The following PRKG1 variants were observed in gnomAD, a reference collection of about 807,000 sequenced individuals.
The protein encoded by PRKG1 is cGMP-dependent protein kinase 1.
Under a neutral mutation model 88.1 loss-of-function variants are expected in PRKG1, and 35 were observed. The observed-to-expected ratio is 0.40, with a 90% CI of 0.30 to 0.53. PRKG1 has a LOEUF of 0.53. Ranked by LOEUF, PRKG1 falls within the 20% of genes least tolerant of loss-of-function variation. The probability of loss-of-function intolerance (pLI) is 0.59; values close to 1 mark genes in which losing one functional copy is unlikely to be tolerated. For missense variants in PRKG1, 540 were observed against 839.8 expected (o/e 0.64, Z 4.41); for synonymous variants, 303 against 292.5 (o/e 1.04, Z -0.37).
chr10:52,079,214 T>C (rs1413813239), intron 7 of PRKG1, among the ~76,000 whole-genome samples: 1 of 152,206 alleles, frequency 6.6e-6, no homozygotes, highest in African/African-American at 2.4e-5. Context: ...ATTCATTCAT[T>C]TATCTCTTTT....
At chr10:52,291,379 G>A (rs943048328) in intron 17 of PRKG1, among the ~76,000 whole-genome samples, 4 of 150,158 alleles carry the variant, frequency 2.7e-5, no homozygotes, top group Admixed American at 2.0e-4. Context: ...AGCATTAGGT[G>A]TATCTCCTAA....
At chr10:51,622,748 G>A (rs1839241371) in intron 3 of PRKG1, among the ~76,000 whole-genome samples, 1 of 152,158 alleles carries the variant, frequency 6.6e-6, no homozygotes, top group East Asian at 1.9e-4. Context: ...AAGGGTGGAG[G>A]CAAGAACAGT....
Position 52,125,282 on chromosome 10 carries a change from G to T in PRKG1, c.936-8558G>T, listed in dbSNP as rs187494632. On this transcript the variant is annotated intron_variant, in intron 7 of 17. Coordinates refer to ENST00000373980, the MANE Select transcript of PRKG1 (RefSeq NM_006258.4). Reference sequence around the variant, plus strand: ...CTATTGTTGCATATGTGGTCTGTTTGTTGACCAAAATGTCATTGTGTGGTG... The same window carrying T: ...CTATTGTTGCATATGTGGTCTGTTTTTTGACCAAAATGTCATTGTGTGGTG... Among the ~76,000 whole-genome samples the T allele has an allele frequency of 3.3e-5, 5 of 152,200 alleles. No homozygotes were observed. The East Asian group carries it at 9.7e-4, about 29-fold the overall frequency.
At chr10:52,201,015 C>G (rs1839651640) in intron 9 of PRKG1, among the ~76,000 whole-genome samples, 1 of 152,232 alleles carries the variant, frequency 6.6e-6, no homozygotes, top group Admixed American at 6.5e-5. Context: ...TCTGTTTACT[C>G]TATTGATAGT....
At chr10:51,331,405 G>A (rs577368822) in intron 2 of PRKG1, among the ~76,000 whole-genome samples, 3 of 152,260 alleles carry the variant, frequency 2.0e-5, no homozygotes, top group African/African-American at 7.2e-5. Context: ...TAGAGGCTCA[G>A]TCTGTGAGTA....
At chr10:51,004,982 A>G (rs1340835483) in intron 1 of PRKG1, among the ~76,000 whole-genome samples, 1 of 152,172 alleles carries the variant, frequency 6.6e-6, no homozygotes, top group African/African-American at 2.4e-5. Flanking sequence ...AGATTTGGAC[A>G]TATATGGTAT....
intron 2 of PRKG1, among the ~76,000 whole-genome samples, chr10:51,271,909 T>C (rs1197309677): frequency 6.6e-6 from 1 of 152,214 alleles, no homozygotes; most frequent in Non-Finnish European, 1.5e-5. Flanking sequence ...GTAGAATGAT[T>C]TATAATTCTT....
intron 3 of PRKG1, among the ~76,000 whole-genome samples, chr10:51,672,209 T>G (rs1840600812): frequency 6.6e-6 from 1 of 152,110 alleles, no homozygotes; most frequent in African/African-American, 2.4e-5. Flanking sequence ...CTTAATGCTC[T>G]CTTCTTGGAA....
intron 7 of PRKG1, among the ~76,000 whole-genome samples, chr10:52,082,731 T>G (rs1258379892): frequency 1.3e-5 from 2 of 152,166 alleles, no homozygotes; most frequent in Non-Finnish European, 2.9e-5. Flanking sequence ...CCTGCCCATT[T>G]ATCCAAAACA....
At chr10:52,254,045 T>A (rs745916352) in intron 10 of PRKG1, among the ~76,000 whole-genome samples, 3 of 152,050 alleles carry the variant, frequency 2.0e-5, no homozygotes, top group Non-Finnish European at 4.4e-5. Flanking sequence ...ATAATATTAC[T>A]TTTGGGGTAT....
At chr10:51,056,284 G>A (rs1843625082) in intron 1 of PRKG1, among the ~76,000 whole-genome samples, 2 of 152,306 alleles carry the variant, frequency 1.3e-5, no homozygotes, top group Middle Eastern at 3.4e-3. Context: ...AGGAAGAGGA[G>A]CCCTAGCTCT....
At chr10:52,189,694 G>A (rs1839315932) in intron 9 of PRKG1, among the ~76,000 whole-genome samples, 1 of 152,066 alleles carries the variant, frequency 6.6e-6, no homozygotes, top group African/African-American at 2.4e-5. Flanking sequence ...AAAAGGTTGG[G>A]GACTGCTGCC....
At chr10:51,714,611 T>G (rs972102778) in intron 3 of PRKG1, among the ~76,000 whole-genome samples, 1 of 152,170 alleles carries the variant, frequency 6.6e-6, no homozygotes, top group Non-Finnish European at 1.5e-5. Flanking sequence ...GTCAAAATTT[T>G]TGTGTACTAC....
intron 3 of PRKG1, among the ~76,000 whole-genome samples, chr10:51,660,375 A>T (rs1840268848): frequency 6.6e-6 from 1 of 151,996 alleles, no homozygotes; most frequent in Non-Finnish European, 1.5e-5. Context: ...GCAGTAAAAA[A>T]TAATGTGAAT....
intron 2 of PRKG1, among the ~76,000 whole-genome samples, chr10:51,283,095 A>G (rs1840343187): frequency 6.6e-6 from 1 of 152,150 alleles, no homozygotes; most frequent in Admixed American, 6.6e-5. Flanking sequence ...CCTGTTCAAC[A>G]TTTCTATATC....
intron 2 of PRKG1, among the ~76,000 whole-genome samples, chr10:51,248,857 T>C (rs1362231274): frequency 1.3e-5 from 2 of 151,744 alleles, no homozygotes; most frequent in Non-Finnish European, 2.9e-5. Flanking sequence ...TTAATTACAT[T>C]ATATCAAATA....
intron 5 of PRKG1, among the ~76,000 whole-genome samples, chr10:51,974,542 C>T (rs1589473717): frequency 6.6e-6 from 1 of 151,880 alleles, no homozygotes; most frequent in Non-Finnish European, 1.5e-5. Context: ...TTAGACACAT[C>T]AAGAATCTGT....
intron 5 of PRKG1, among the ~76,000 whole-genome samples, chr10:52,018,107 C>A (rs73341230): frequency 0.016 from 2,392 of 152,188 alleles, 73 homozygotes; most frequent in African/African-American, 0.054. Flanking sequence ...TGACTTACAG[C>A]ATGCTTTCTA....
rs541132293 is a variant in PRKG1 at position 51,819,832 on chromosome 10, A to G, written c.698+15142A>G. The stretch of plus-strand genomic sequence containing the variant: ...AGTGAATTAGAGAGTGAATCACACT[A>G]GAGTAACATTGTAGCTAAAGACCTT... On this transcript the variant is annotated intron_variant, in intron 4 of 17. Transcript: ENST00000373980. Among the ~76,000 whole-genome samples the G allele has an allele frequency of 3.9e-5, 6 of 152,292 alleles. No individual in the cohort carries two copies. The East Asian group carries it at 1.2e-3, about 29-fold the overall frequency.
Sources: gnomAD v4.1 joint callset for allele counts (sites outside exome capture counted in the v4.1 genomes callset) on GRCh38, gnomAD v4.1.1 for gene constraint, MANE v1.5 for transcripts, NCBI Gene and HGNC (gene_info 2026-07-23, HGNC 2026-07-21) for gene names.